The following WRN variants were observed in gnomAD, a reference collection of about 807,000 sequenced individuals.
WRN encodes WRN RecQ like helicase.
In WRN, 149 loss-of-function variants were observed where a neutral mutation model predicts 180.7. The ratio of observed to expected loss-of-function variants is 0.82; its 90% CI spans 0.72 to 0.94. The LOEUF is 0.94. Among genes scored for constraint, WRN ranks in the 40% least tolerant of loss-of-function variants. The pLI, the probability that WRN is intolerant of heterozygous loss-of-function variation, is 0.00. For missense variants in WRN, 1,661 were observed against 1,700.1 expected (o/e 0.98, Z 0.40); for synonymous variants, 548 against 568.9 (o/e 0.96, Z 0.52).
intron 18 of WRN, among the ~76,000 whole-genome samples, chr8:31,110,264 G>A (rs974911152): frequency 2.6e-5 from 4 of 152,104 alleles, no homozygotes; most frequent in Non-Finnish European, 5.9e-5. Flanking sequence ...AGATTAGCTT[G>A]TTCATCTTTA....
At chr8:31,041,830 G>A (rs1811668483) in intron 1 of WRN, among the ~76,000 whole-genome samples, 1 of 152,208 alleles carries the variant, frequency 6.6e-6, no homozygotes, top group South Asian at 2.1e-4. Flanking sequence ...AAATGGTTGT[G>A]CTTTTCACCT....
At chr8:31,045,646 C>T (rs1489475439) in intron 1 of WRN, among the ~76,000 whole-genome samples, 1 of 152,086 alleles carries the variant, frequency 6.6e-6, no homozygotes, top group Non-Finnish European at 1.5e-5. Flanking sequence ...AGGTGATCTG[C>T]CCGCCTCGGC....
intron 8 of WRN, among the ~76,000 whole-genome samples, chr8:31,077,310 A>G (rs1020546032): frequency 2.5e-4 from 38 of 152,180 alleles, no homozygotes; most frequent in African/African-American, 8.2e-4. Context: ...ACATGATCTC[A>G]GGTCACTGCA....
At chr8:31,110,894 AG>A in intron 18 of WRN, among the ~76,000 whole-genome samples, 1 of 152,178 alleles carries the variant, frequency 6.6e-6, no homozygotes, top group Non-Finnish European at 1.5e-5. Context: ...GTTTTAGGGG[AG>A]GCATGTTGTT....
chr8:31,092,094 G>A (rs908784332), intron 16 of WRN, among the ~76,000 whole-genome samples, 196 bp downstream of exon 16: 2 of 151,854 alleles, frequency 1.3e-5, no homozygotes, highest in African/African-American at 4.8e-5. Flanking sequence ...GAAAAAAAAA[G>A]TCCATGATTT....
intron 8 of WRN, among the ~76,000 whole-genome samples, chr8:31,080,026 G>T (rs371873775): frequency 2.6e-5 from 4 of 151,984 alleles, no homozygotes; most frequent in Admixed American, 1.3e-4. Flanking sequence ...GATTACAGGC[G>T]CATGCCACCA....
chr8:31,080,177 G>A (rs947636032), intron 8 of WRN, among the ~76,000 whole-genome samples: 10 of 152,190 alleles, frequency 6.6e-5, no homozygotes, highest in African/African-American at 2.2e-4. Flanking sequence ...CACCGTGCCC[G>A]CCCCAAATTT....
intron 21 of WRN, among the ~76,000 whole-genome samples, chr8:31,123,574 ACTC>A (rs999535251): frequency 1.3e-5 from 2 of 151,908 alleles, no homozygotes; most frequent in African/African-American, 4.8e-5. Context: ...ACTTTCCAGA[ACTC>A]CTTGAGAATT....
chr8:31,054,904 C>A (rs140382506), intron 1 of WRN, among the ~76,000 whole-genome samples: 77 of 152,240 alleles, frequency 5.1e-4, no homozygotes, highest in African/African-American at 1.7e-3. Flanking sequence ...TCCTCCAGGA[C>A]CCAGTGTGTG....
At chr8:31,137,327 G>T (rs1802438838) in intron 24 of WRN, among the ~76,000 whole-genome samples, 1 of 152,100 alleles carries the variant, frequency 6.6e-6, no homozygotes, top group African/African-American at 2.4e-5. Flanking sequence ...TTATGCTTAT[G>T]AAAGGAAAAG....
intron 18 of WRN, among the ~76,000 whole-genome samples, chr8:31,105,181 C>T (rs1463584095): frequency 6.6e-6 from 1 of 152,158 alleles, no homozygotes; most frequent in East Asian, 1.9e-4. Flanking sequence ...GAATTGAGCT[C>T]CAATGATGTG....
chr8:31,116,679 T>C (rs1299584014), intron 20 of WRN, 151 bp downstream of exon 20: 2 of 1,073,358 alleles, frequency 1.9e-6, no homozygotes, highest in East Asian at 2.6e-5. Flanking sequence ...ACTTGCAGAT[T>C]AGTATAAATA....
intron 18 of WRN, among the ~76,000 whole-genome samples, chr8:31,107,511 C>G (rs73583711): frequency 5.9e-5 from 9 of 152,018 alleles, no homozygotes; most frequent in African/African-American, 1.9e-4. Context: ...GGGTGTTGGC[C>G]GAGCAGTGGC....
rs1338985518 is a variant in WRN at position 31,154,574 on chromosome 8, TTATTG to T, written c.3688-44_3688-40del. The stretch of plus-strand genomic sequence containing the variant: ...GGCTAATTATCATACATATATTCTA[TTATTG>T]TATTGATATTACTGATCATTTGTGC... On this transcript the variant is annotated intron_variant, in intron 31 of 34. Coordinates refer to ENST00000298139, the MANE Select transcript of WRN (RefSeq NM_000553.6). 3.2e-6 allele frequency: 5 copies of T among 1,553,524 alleles called. No individual in the cohort carries two copies. In the Admixed American group the frequency reaches 5.6e-5, roughly 17 times the overall value.
At chr8:31,077,395 C>T (rs1221071996) in intron 8 of WRN, among the ~76,000 whole-genome samples, 1 of 136,506 alleles carries the variant, frequency 7.3e-6, no homozygotes, top group Non-Finnish European at 1.6e-5. Flanking sequence ...CGCCCGCCAC[C>T]CCACCTGGCT....
intron 24 of WRN, among the ~76,000 whole-genome samples, chr8:31,134,886 C>G (rs1287355944): frequency 2.0e-5 from 3 of 152,128 alleles, no homozygotes; most frequent in Non-Finnish European, 4.4e-5. Flanking sequence ...ATAATTATCA[C>G]TACTTCATCT....
chr8:31,145,457 C>A (rs992141986), intron 28 of WRN, among the ~76,000 whole-genome samples: 1 of 152,156 alleles, frequency 6.6e-6, no homozygotes, highest in Admixed American at 6.5e-5. Context: ...TACTTTAAGC[C>A]CATTGTTGAA....
intron 11 of WRN, among the ~76,000 whole-genome samples, chr8:31,085,795 C>A (rs1363897919): frequency 6.6e-6 from 1 of 151,940 alleles, no homozygotes; most frequent in East Asian, 1.9e-4. Flanking sequence ...GTGTTACTTT[C>A]TTGTAATTTT....
At chr8:31,068,069 C>A (rs965031397) in intron 6 of WRN, among the ~76,000 whole-genome samples, 189 bp from the exon 7 acceptor site, 1 of 152,118 alleles carries the variant, frequency 6.6e-6, no homozygotes, top group Admixed American at 6.6e-5. Flanking sequence ...GGCTCAGGCA[C>A]CTTTCTCAAT....
Sources: allele counts gnomAD v4.1 joint callset (sites outside exome capture counted in the v4.1 genomes callset), GRCh38; gene constraint gnomAD v4.1.1; transcripts MANE v1.5; gene names NCBI Gene and HGNC (gene_info 2026-07-23, HGNC 2026-07-21).